B3GAT2: variants seen among roughly 807,000 people sequenced by gnomAD.
B3GAT2 encodes the protein galactosylgalactosylxylosylprotein 3-beta-glucuronosyltransferase 2.
In B3GAT2, 26 loss-of-function variants were observed where a neutral mutation model predicts 27.8. The ratio of observed to expected loss-of-function variants is 0.93; its 90% CI spans 0.68 to 1.30. B3GAT2 has a LOEUF of 1.30. B3GAT2 is among the 50% of genes most tolerant of loss of function. The pLI is 0.00. For missense variants in B3GAT2, 458 were observed against 459.0 expected (o/e 1.00, Z 0.02); for synonymous variants, 218 against 195.1 (o/e 1.12, Z -0.98).
chr6:70,917,882 G>A (rs975456274), intron 1 of B3GAT2, among the ~76,000 whole-genome samples: 4 of 152,166 alleles, frequency 2.6e-5, no homozygotes, highest in African/African-American at 4.8e-5. Flanking sequence ...TGTTGATTTG[G>A]GAAGAAGAGT....
In B3GAT2 at chr6:70,955,828, C is replaced by T. The variant is rs762337236; in HGVS notation, c.591+11G>A. 10 of 1,584,508 alleles carry T rather than the reference C, an allele frequency of 6.3e-6. No individual in the cohort carries two copies. In the African/African-American group the frequency reaches 1.2e-4, roughly 19 times the overall value. ...GCCCTCGCCCACCCAGCGGGGCAGG[C>T]TGGCCTTTACCTCCTGGAAGAGCTC... On this transcript the variant is annotated intron_variant, in intron 1 of 3. Transcript: ENST00000230053.
chr6:70,906,298 A>G (rs1207311934), intron 1 of B3GAT2, among the ~76,000 whole-genome samples: 1 of 152,078 alleles, frequency 6.6e-6, no homozygotes, highest in Non-Finnish European at 1.5e-5. Context: ...GTACACCCCT[A>G]TACTCTACCA....
At chr6:70,943,988 A>C (rs910921132) in intron 1 of B3GAT2, among the ~76,000 whole-genome samples, 5 of 152,208 alleles carry the variant, frequency 3.3e-5, no homozygotes, top group Non-Finnish European at 7.3e-5. Context: ...TAAAATTGTA[A>C]GGTAATGAAT....
At chr6:70,911,725 T>C (rs1477612530) in intron 1 of B3GAT2, among the ~76,000 whole-genome samples, 1 of 152,206 alleles carries the variant, frequency 6.6e-6, no homozygotes, top group Non-Finnish European at 1.5e-5. Flanking sequence ...AATCTGTAAA[T>C]TGCTTTGGGC....
intron 1 of B3GAT2, among the ~76,000 whole-genome samples, chr6:70,900,587 G>A (rs1022296348): frequency 3.3e-5 from 5 of 152,142 alleles, no homozygotes; most frequent in African/African-American, 1.2e-4. Flanking sequence ...GTCTCACTAT[G>A]TTGCCCTGGC....
chr6:70,956,083 A>C lies in B3GAT2; in HGVS notation c.347T>G (p.Val116Gly). 1 of 1,591,942 alleles carries C rather than the reference A, an allele frequency of 6.3e-7. No individual in the cohort carries two copies. Among genetic ancestry groups the C allele is most frequent in the South Asian group, 1.1e-5 (1 of 88,666 alleles). The change falls in exon 1 of 4, where the codon GTG (valine) becomes GGG (glycine). Residue 116 changes from valine to glycine, a missense_variant. Val to Gly is a moderately radical substitution (Grantham distance 109). Coordinates refer to ENST00000230053, the MANE Select transcript of B3GAT2 (RefSeq NM_080742.3). ...CTCGCTGCGCGCCGCCGCGTCCTCC[A>C]CCAGGATCCAGTGCAGCTGCGCCAC... ...RQVAQLHWIL[V>G]EDAAARSELV... is the part of the protein sequence containing the mutation.
At chr6:70,895,551 G>C (rs1716605813) in intron 1 of B3GAT2, among the ~76,000 whole-genome samples, 1 of 119,354 alleles carries the variant, frequency 8.4e-6, no homozygotes, top group Non-Finnish European at 1.6e-5. Flanking sequence ...TGTTGCCCAG[G>C]CTGGAGTGCA....
chr6:70,938,144 C>T (rs1358288569), intron 1 of B3GAT2, among the ~76,000 whole-genome samples: 1 of 149,896 alleles, frequency 6.7e-6, no homozygotes, highest in East Asian at 2.0e-4. Flanking sequence ...GAGTGAACTC[C>T]CATGCACAAT....
intron 1 of B3GAT2, among the ~76,000 whole-genome samples, chr6:70,930,312 C>CA (rs1385567028): frequency 1.3e-5 from 2 of 152,168 alleles, no homozygotes; most frequent in Non-Finnish European, 2.9e-5. Flanking sequence ...ACACCAAAAG[C>CA]AATGGCAACA....
chr6:70,923,869 A>C (rs1336276233), intron 1 of B3GAT2, among the ~76,000 whole-genome samples: 2 of 152,148 alleles, frequency 1.3e-5, no homozygotes, highest in Non-Finnish European at 2.9e-5. Flanking sequence ...GCTGTATCAT[A>C]TTTTTAAGAT....
intron 1 of B3GAT2, among the ~76,000 whole-genome samples, chr6:70,951,621 C>G (rs1327807681): frequency 6.6e-6 from 1 of 152,104 alleles, no homozygotes; most frequent in African/African-American, 2.4e-5. Context: ...ATTAAAATAT[C>G]AACATCCAAA....
chr6:70,876,728 G>A (rs1255595062), intron 2 of B3GAT2, among the ~76,000 whole-genome samples: 1 of 151,870 alleles, frequency 6.6e-6, no homozygotes, highest in East Asian at 1.9e-4. Context: ...AGCTCTTTAG[G>A]GGCCCATTGC....
intron 1 of B3GAT2, among the ~76,000 whole-genome samples, chr6:70,926,702 G>T (rs777612465): frequency 2.6e-5 from 4 of 152,178 alleles, no homozygotes; most frequent in Admixed American, 6.5e-5. Context: ...ACGTTTCATT[G>T]GTGTACCTGA....
At chr6:70,917,388 T>A (rs930232095) in intron 1 of B3GAT2, among the ~76,000 whole-genome samples, 1 of 152,216 alleles carries the variant, frequency 6.6e-6, no homozygotes, top group African/African-American at 2.4e-5. Context: ...GTTTTTTGTG[T>A]CTCTCTCTCC....
At chr6:70,927,124 G>A (rs1772975801) in intron 1 of B3GAT2, among the ~76,000 whole-genome samples, 2 of 152,190 alleles carry the variant, frequency 1.3e-5, no homozygotes, top group African/African-American at 2.4e-5. Flanking sequence ...ACAAGCAAAT[G>A]CTGAGAGATT....
chr6:70,871,820 A>C (rs554563754), intron 2 of B3GAT2, among the ~76,000 whole-genome samples: 35 of 151,668 alleles, frequency 2.3e-4, no homozygotes, highest in African/African-American at 8.2e-4. Context: ...TCTTCTTTTT[A>C]ATGGAGGTAT....
intron 1 of B3GAT2, among the ~76,000 whole-genome samples, chr6:70,925,396 C>T (rs1264897150): frequency 6.6e-6 from 1 of 152,198 alleles, no homozygotes; most frequent in Non-Finnish European, 1.5e-5. Flanking sequence ...CCTTTCCTAG[C>T]CAAGGGAAGC....
chr6:70,857,401 AT>A lies in B3GAT2; in HGVS notation c.*4261del, dbSNP rs1225840406. The A allele has an allele frequency of 5.9e-6, 1 of 170,408 alleles. No homozygotes were observed. The highest frequency in any genetic ancestry group is 2.4e-5 in the African/African-American group (1 of 42,002). The allele number at this position is 170,408 out of a possible 1,614,324, so 10.6% of individuals were successfully genotyped here. On this transcript the variant is annotated 3_prime_UTR_variant, in exon 4 of 4. Coordinates refer to ENST00000230053, the MANE Select transcript of B3GAT2 (RefSeq NM_080742.3). Reference sequence around the variant, plus strand: ...TGAGTTACCACATGGATTAAAAAAAATCTATGAATTTTTTTGTAATCATAAC... The same window carrying A: ...TGAGTTACCACATGGATTAAAAAAAACTATGAATTTTTTTGTAATCATAAC...
At chr6:70,866,570 T>C (rs1771854102) in intron 2 of B3GAT2, among the ~76,000 whole-genome samples, 1 of 152,104 alleles carries the variant, frequency 6.6e-6, no homozygotes, top group Non-Finnish European at 1.5e-5. Flanking sequence ...TGGATGGGAT[T>C]AGCAGCAGAG....
Sources: allele counts gnomAD v4.1 joint callset (sites outside exome capture counted in the v4.1 genomes callset), GRCh38; gene constraint gnomAD v4.1.1; transcripts MANE v1.5; gene names NCBI Gene and HGNC (gene_info 2026-07-23, HGNC 2026-07-21).